KIAA0753: variants seen among roughly 807,000 people sequenced by gnomAD.
The protein encoded by KIAA0753 is protein moonraker.
Under a neutral mutation model 116.9 loss-of-function variants are expected in KIAA0753, and 114 were observed. The observed-to-expected ratio is 0.98, with a 90% CI of 0.84 to 1.14. KIAA0753 has a LOEUF of 1.14. Among genes scored for constraint, KIAA0753 ranks in the 50% most tolerant of loss-of-function variants. The pLI, the probability that KIAA0753 is intolerant of heterozygous loss-of-function variation, is 0.00. For missense variants in KIAA0753, 1,156 were observed against 1,172.4 expected (o/e 0.99, Z 0.20); for synonymous variants, 405 against 413.1 (o/e 0.98, Z 0.24).
At chr17:6,614,984 A>G (rs185021457) in intron 7 of KIAA0753, among the ~76,000 whole-genome samples, 8 of 152,116 alleles carry the variant, frequency 5.3e-5, no homozygotes, top group Non-Finnish European at 1.2e-4. Flanking sequence ...TTTTTAGTAG[A>G]GACGGGGTTT....
chr17:6,610,272 G>T, intron 8 of KIAA0753, 112 bp from the exon 9 acceptor site: 1 of 947,460 alleles, frequency 1.1e-6, no homozygotes, highest in Non-Finnish European at 1.4e-6. Context: ...CATCCATTCG[G>T]TAAAACCTGA....
Position 6,608,622 on chromosome 17 carries a change from T to C in KIAA0753, c.1713-158A>G, listed in dbSNP as rs534519373. Among the ~76,000 whole-genome samples, 10 of 152,238 alleles carry C rather than the reference T, an allele frequency of 6.6e-5. No individual in the cohort carries two copies. The South Asian group carries it at 1.9e-3, about 28-fold the overall frequency. On this transcript the variant is annotated intron_variant, in intron 9 of 18. Coordinates refer to ENST00000361413, the MANE Select transcript of KIAA0753 (RefSeq NM_014804.3). ...AAGCTGAATGTGAAGAAAAGTGAGA[T>C]CCTCCCGCACTCAGGCACAGTGTCA...
intron 9 of KIAA0753, among the ~76,000 whole-genome samples, chr17:6,609,743 T>C (rs765084747): frequency 6.6e-6 from 1 of 152,154 alleles, no homozygotes; most frequent in Non-Finnish European, 1.5e-5. Context: ...CCATCTTCCA[T>C]TCAATCACAC....
At position 6,622,983 on chromosome 17, in the gene KIAA0753, C is replaced by T. The variant is rs192910138; in HGVS notation, c.1003G>A (p.Glu335Lys). ...GEHPLPARCKELGSLIRQLSL... is the reference protein window; with the variant it reads ...GEHPLPARCKKLGSLIRQLSL... ...AGCTGGCGAATAAGGCTGCCCAGTT[C>T]CTTACACCGAGCAGGAAGTGGATGC... Residue 335 changes from glutamate (E) to lysine (K), a missense_variant, in exon 6 of 19, where the codon GAA becomes AAA. Physicochemically the swap from Glu to Lys is moderately conservative, Grantham distance 56. Coordinates refer to ENST00000361413, the MANE Select transcript of KIAA0753 (RefSeq NM_014804.3). 2 of 1,614,196 alleles carry T rather than the reference C, an allele frequency of 1.2e-6. No homozygotes were observed. The highest frequency in any genetic ancestry group is 1.7e-5 in the Admixed American group (1 of 60,020).
In KIAA0753 at chr17:6,579,807, A is replaced by G; in HGVS notation, c.2844T>C (p.Asp948=). Residue 948 remains aspartate, a synonymous_variant, in exon 19 of 19, where the codon GAT becomes GAC. Coordinates refer to ENST00000361413, the MANE Select transcript of KIAA0753 (RefSeq NM_014804.3). ...CAGCTTCTGCATAATCTTCGCACATATCCTGAAGTTCAGCAGCCACAGCAC... is the reference window on the plus strand; with the variant it reads ...CAGCTTCTGCATAATCTTCGCACATGTCCTGAAGTTCAGCAGCCACAGCAC... ...ALGAVAAELQ[D]MCEDYAEAVF... 2 of 1,614,004 alleles carry G rather than the reference A, an allele frequency of 1.2e-6. No individual in the cohort carries two copies. Among genetic ancestry groups the G allele is most frequent in the Non-Finnish European group, 1.7e-6 (2 of 1,180,012 alleles).
At chr17:6,581,611 A>G (rs8071548) in intron 18 of KIAA0753, among the ~76,000 whole-genome samples, 28,846 of 152,110 alleles carry the variant, frequency 0.19, 3,313 homozygotes, top group African/African-American at 0.33. Context: ...TTCTACTTCC[A>G]TCACTTCTTC....
intron 2 of KIAA0753, among the ~76,000 whole-genome samples, chr17:6,633,802 C>T (rs182061221): frequency 6.5e-4 from 99 of 152,004 alleles, no homozygotes; most frequent in Non-Finnish European, 5.3e-4. Flanking sequence ...AATATAAAAT[C>T]CCATTTATAT....
chr17:6,586,786 T>C (rs1968609261), intron 18 of KIAA0753, among the ~76,000 whole-genome samples: 1 of 152,182 alleles, frequency 6.6e-6, no homozygotes. Context: ...GCTGGAACAG[T>C]GCTTTTCTTC....
chr17:6,590,456 TA>T, intron 17 of KIAA0753, 53 bp downstream of exon 17: 1 of 1,595,024 alleles, frequency 6.3e-7, no homozygotes, highest in African/African-American at 1.3e-5. Flanking sequence ...CAAAATCTAA[TA>T]ACATCAAAGG....
chr17:6,590,071 C>T lies in KIAA0753; in HGVS notation c.2562-68G>A, dbSNP rs2278646. On this transcript the variant is annotated intron_variant, in intron 17 of 18. Coordinates refer to ENST00000361413, the MANE Select transcript of KIAA0753 (RefSeq NM_014804.3). ...TAAGCAAGACTAAACTGTTAATTTACCCTCATGGTTTGATAGCCAAAGGCT... is the reference window on the plus strand; with the variant it reads ...TAAGCAAGACTAAACTGTTAATTTATCCTCATGGTTTGATAGCCAAAGGCT... 426,185 of 1,203,444 alleles carry T rather than the reference C, an allele frequency of 0.35. 78,539 individuals carry two copies. The highest frequency in any genetic ancestry group is 0.41 in the Admixed American group (14,372 of 34,838). 74.5% of individuals were successfully genotyped at this position (1,203,444 alleles called of 1,614,324 possible).
intron 1 of KIAA0753, 124 bp downstream of exon 1, chr17:6,640,513 G>A (rs1972607359): frequency 7.2e-6 from 1 of 139,836 alleles, no homozygotes; most frequent in South Asian, 2.3e-4. Flanking sequence ...GTAAAGCCTA[G>A]ACGGCAGAAA....
intron 7 of KIAA0753, among the ~76,000 whole-genome samples, chr17:6,616,198 T>G (rs1397860035): frequency 1.3e-5 from 2 of 152,204 alleles, no homozygotes; most frequent in African/African-American, 4.8e-5. Context: ...CAGAGCCAAG[T>G]CTTCTGGCTT....
intron 8 of KIAA0753, among the ~76,000 whole-genome samples, chr17:6,611,220 C>T (rs1180961721): frequency 6.6e-6 from 1 of 152,112 alleles, no homozygotes; most frequent in African/African-American, 2.4e-5. Flanking sequence ...CTCCCAAAGC[C>T]ATATTAGAAA....
rs1480849819 is a variant in KIAA0753, at chr17:6,620,867, A to C, written c.1236T>G (p.Gly412=). The C allele has an allele frequency of 4.3e-6, 7 of 1,614,020 alleles. No individual in the cohort carries two copies. Among genetic ancestry groups the C allele is most frequent in the Non-Finnish European group, 5.1e-6 (6 of 1,179,976 alleles). ...CCTTTGCTGTGAGGGGCCTCCTCTCACCCTTTGGTGATGTACTTGGCCATC... is the reference window on the plus strand; with the variant it reads ...CCTTTGCTGTGAGGGGCCTCCTCTCCCCCTTTGGTGATGTACTTGGCCATC... ...LERWPSTSPK[G]ERRPLTAKDT... Residue 412 remains glycine (G), a synonymous_variant, in exon 7 of 19, where the codon GGT becomes GGG. Coordinates refer to ENST00000361413, the MANE Select transcript of KIAA0753 (RefSeq NM_014804.3).
chr17:6,628,096 A>C, intron 3 of KIAA0753, 21 bp downstream of exon 3: 2 of 1,597,682 alleles, frequency 1.3e-6, no homozygotes, highest in Non-Finnish European at 1.7e-6. Context: ...AGGTCGAAGT[A>C]AAGAATCTAA....
At chr17:6,586,678 AAG>A (rs1308402228) in intron 18 of KIAA0753, among the ~76,000 whole-genome samples, 1 of 152,212 alleles carries the variant, frequency 6.6e-6, no homozygotes, top group Non-Finnish European at 1.5e-5. Context: ...AGGAATTCTT[AAG>A]AGTTTGCTTT....
intron 2 of KIAA0753, among the ~76,000 whole-genome samples, chr17:6,633,588 T>A (rs1365162277): frequency 1.3e-5 from 2 of 152,102 alleles, no homozygotes; most frequent in African/African-American, 4.8e-5. Flanking sequence ...TGTATAAGAA[T>A]GTTCATAGCA....
intron 18 of KIAA0753, among the ~76,000 whole-genome samples, chr17:6,588,163 C>G (rs1362428505): frequency 6.6e-6 from 1 of 152,108 alleles, no homozygotes; most frequent in African/African-American, 2.4e-5. Flanking sequence ...CCCTTCCTCA[C>G]CCCCACAAAA....
Position 6,607,223 on chromosome 17 carries a change from T to C in KIAA0753, c.1877A>G (p.Glu626Gly), listed in dbSNP as rs371331962. 10 of 1,614,164 alleles carry C rather than the reference T, an allele frequency of 6.2e-6. No homozygotes were observed. Among genetic ancestry groups the C allele is most frequent in the African/African-American group, 2.7e-5 (2 of 75,036 alleles). ...AETSKRLKEL[E>G]ELKAKEIDSM... ...GTCAATTTCCTTGGCTTTTAACTCT[T>C]CTAGTTCCTTCAATCTTTTGGAAGT... Residue 626 changes from glutamate to glycine, a missense_variant, in exon 11 of 19, where the codon GAA becomes GGA. Physicochemically the swap from Glu to Gly is moderately conservative, Grantham distance 98. Transcript: ENST00000361413.
Sources: allele counts gnomAD v4.1 joint callset (sites outside exome capture counted in the v4.1 genomes callset), GRCh38; gene constraint gnomAD v4.1.1; transcripts MANE v1.5; gene names NCBI Gene and HGNC (gene_info 2026-07-23, HGNC 2026-07-21).